The following NYAP1 variants were observed in gnomAD, a reference collection of about 807,000 sequenced individuals.
NYAP1 encodes neuronal tyrosine-phosphorylated phosphoinositide-3-kinase adapter 1.
A neutral mutation model predicts 58.6 loss-of-function variants in NYAP1; 20 were observed. The observed-to-expected ratio is 0.34, with a 90% CI of 0.24 to 0.50. The LOEUF is 0.50. Ranked by LOEUF, NYAP1 falls within the 20% of genes least tolerant of loss-of-function variation. The probability of loss-of-function intolerance (pLI) is 0.98; values close to 1 mark genes in which losing one functional copy is unlikely to be tolerated. For missense variants in NYAP1, 1,150 were observed against 1,194.5 expected (o/e 0.96, Z 0.55); for synonymous variants, 572 against 523.1 (o/e 1.09, Z -1.27).
chr7:100,488,676 A>G lies in NYAP1; in HGVS notation c.955A>G (p.Thr319Ala), dbSNP rs1799741748. The G allele has an allele frequency of 4.4e-6, 7 of 1,608,584 alleles. No homozygotes were observed. The highest frequency in any genetic ancestry group is 5.9e-6 in the Non-Finnish European group (7 of 1,178,468). Residue 319 changes from threonine to alanine, a missense_variant, in exon 4 of 7, where the codon ACT (threonine) becomes GCT (alanine). Physicochemically the swap from Thr to Ala is moderately conservative, Grantham distance 58. Transcript: ENST00000300179. This position sits in a 1 kb window ranked among gnomAD's most constrained non-coding sequence, Gnocchi z 5.9. Reference sequence around the variant, plus strand: ...GAGGGACGGGACGCCCACCAAGACCACTCCTTGTGAAATCCCCCCGCCCTT... The same window carrying G: ...GAGGGACGGGACGCCCACCAAGACCGCTCCTTGTGAAATCCCCCCGCCCTT... ...SRRDGTPTKTTPCEIPPPFPN... is the reference protein window; with the variant it reads ...SRRDGTPTKTAPCEIPPPFPN...
Position 100,493,927 on chromosome 7 carries a change from G to C in NYAP1, c.*24G>C. The C allele has an allele frequency of 7.1e-7, 1 of 1,417,978 alleles. No homozygotes were observed. The allele number at this position is 1,417,978 out of a possible 1,614,324, so 87.8% of individuals were successfully genotyped here. A position where few individuals can be genotyped will look rare whatever the true frequency, so the allele number is the denominator to read the frequency against. ...GAGGCGGGCGGGGGGGTACCGGGGCGCCTGGACTGGGGAGGGGGCGGGCAC... is the reference window on the plus strand; with the variant it reads ...GAGGCGGGCGGGGGGGTACCGGGGCCCCTGGACTGGGGAGGGGGCGGGCAC... On this transcript the variant is annotated 3_prime_UTR_variant, in exon 7 of 7. Transcript: ENST00000300179.
intron 4 of NYAP1, 26 bp downstream of exon 4, chr7:100,489,692 C>T: frequency 1.9e-5 from 2 of 107,398 alleles, no homozygotes; most frequent in Non-Finnish European, 3.2e-5. Flanking sequence ...GGAGTGGGGG[C>T]TGGCATCAGG....
chr7:100,484,709 C>T (rs1314895459), intron 1 of NYAP1, among the ~76,000 whole-genome samples: 1 of 152,104 alleles, frequency 6.6e-6, no homozygotes, highest in Non-Finnish European at 1.5e-5. Flanking sequence ...CGCAAGTAGG[C>T]CCTGGGCATA....
In NYAP1 at chr7:100,487,242, G is replaced by A. The variant is rs546247841; in HGVS notation, c.430+60G>A. On this transcript the variant is annotated intron_variant, in intron 3 of 6. Coordinates refer to ENST00000300179, the MANE Select transcript of NYAP1 (RefSeq NM_173564.4). This position sits in a 1 kb window ranked among gnomAD's most constrained non-coding sequence, Gnocchi z 4.1. ...TGGGAGCTGGGAGGATCTATTCCAC[G>A]CCCGGGGAGGCTTGCCGGGAGGGTT... 1.6e-5 allele frequency: 23 copies of A among 1,438,366 alleles called. No individual in the cohort carries two copies. The East Asian group carries it at 4.5e-4, about 28-fold the overall frequency. The allele number at this position is 1,438,366 out of a possible 1,614,324, so 89.1% of individuals were successfully genotyped here.
In NYAP1 at chr7:100,494,798, C is replaced by G. The variant is rs1487478161; in HGVS notation, c.*895C>G. The G allele has an allele frequency of 6.6e-6, 1 of 152,426 alleles. No homozygotes were observed. The highest frequency in any genetic ancestry group is 2.4e-5 in the African/African-American group (1 of 41,380). The allele number at this position is 152,426 out of a possible 1,614,324, so 9.4% of individuals were successfully genotyped here. A position where few individuals can be genotyped will look rare whatever the true frequency, so the allele number is the denominator to read the frequency against. ...ATAATATATTAAAAGACTCATGATC[C>G]TAAAGCTGGCTTCTTCTATTTCACA... On this transcript the variant is annotated 3_prime_UTR_variant, in exon 7 of 7. Coordinates refer to ENST00000300179, the MANE Select transcript of NYAP1 (RefSeq NM_173564.4).
In NYAP1 at chr7:100,490,530, T is replaced by C. The variant is rs755976763; in HGVS notation, c.1959T>C (p.Gly653=). ...KAKELDKVED[G]ARAWNGSAEG... is the part of the protein sequence containing the mutation. ...TCATCCCAGCAGAGGTCGAGGACGG[T>C]GCCCGGGCCTGGAATGGCAGTGCCG... Residue 653 remains glycine (G), a synonymous_variant, in exon 5 of 7, where the codon GGT becomes GGC. Transcript: ENST00000300179. The surrounding 1 kb of genome is among the most constrained non-coding windows in gnomAD (Gnocchi z 4.6). 5 of 1,584,698 alleles carry C rather than the reference T, an allele frequency of 3.2e-6. No homozygotes were observed. The highest frequency in any genetic ancestry group is 2.3e-5 in the South Asian group (2 of 86,596).
chr7:100,489,741 G>C lies in NYAP1; in HGVS notation c.1945+75G>C, dbSNP rs578253246. The C allele has an allele frequency of 7.1e-6, 8 of 1,122,846 alleles. No homozygotes were observed. In the African/African-American group the frequency reaches 1.1e-4, roughly 16 times the overall value. 69.6% of individuals were successfully genotyped at this position (1,122,846 alleles called of 1,614,324 possible). A position where few individuals can be genotyped will look rare whatever the true frequency, so the allele number is the denominator to read the frequency against. ...TGGGGATGCCTGCGATGGTTTGGGG[G>C]AGGTGTTGGAGGGGTTATTTGGAAG... On this transcript the variant is annotated intron_variant, in intron 4 of 6. Transcript: ENST00000300179.
rs1044229151 is a variant in NYAP1 at position 100,487,564 on chromosome 7, C to T, written c.430+382C>T. On this transcript the variant is annotated intron_variant, in intron 3 of 6. Transcript: ENST00000300179. The surrounding 1 kb of genome is among the most constrained non-coding windows in gnomAD (Gnocchi z 4.1). The stretch of plus-strand genomic sequence containing the variant: ...TTGCCCAGGCAGGAGTGCAGTGGTG[C>T]GATCTCAGCTCACTGCATCCTCCGC... Among the ~76,000 whole-genome samples the T allele has an allele frequency of 5.9e-5, 9 of 151,960 alleles. No homozygotes were observed. The highest frequency in any genetic ancestry group is 1.0e-4 in the Non-Finnish European group (7 of 67,982).
Position 100,489,293 on chromosome 7 carries a change from C to T in NYAP1, c.1572C>T (p.Val524=). The T allele has an allele frequency of 6.3e-7, 1 of 1,599,640 alleles. No homozygotes were observed. The highest frequency in any genetic ancestry group is 8.5e-7 in the Non-Finnish European group (1 of 1,174,020). Residue 524 remains valine, a synonymous_variant, in exon 4 of 7, where the codon GTC becomes GTT. Transcript: ENST00000300179. ...GGGCCATGGGCGCAGCAGCTGGGGT[C>T]CTCCACCACCGCGGCTGCCTGGCCT... The part of the protein sequence containing the change: ...HGGAMGAAAG[V]LHHRGCLASP...
chr7:100,488,590 A>T lies in NYAP1; in HGVS notation c.869A>T (p.Gln290Leu). ...CCATTGACGGCAACATCCCCGCCAC[A>T]ACAGCCTCACGCCCTTCCGCCCCAT... ...PPPLTATSPPQQPHALPPHAH... is the reference protein window; with the variant it reads ...PPPLTATSPPLQPHALPPHAH... The change falls in exon 4 of 7, where the codon CAA becomes CTA. Residue 290 changes from glutamine to leucine, a missense_variant. By Grantham distance (113) the Gln-to-Leu change is moderately radical (BLOSUM62 -2). Transcript: ENST00000300179. This position sits in a 1 kb window ranked among gnomAD's most constrained non-coding sequence, Gnocchi z 5.9. 6.2e-7 allele frequency: 1 copy of T among 1,611,286 alleles called. No individual in the cohort carries two copies. The highest frequency in any genetic ancestry group is 8.5e-7 in the Non-Finnish European group (1 of 1,179,296).
rs1202712786 is a variant in NYAP1 at position 100,486,053 on chromosome 7, A to G, written c.68+674A>G. ...GCCACCTCCCTTTTCCTTCCTCGCA[A>G]CTGTGGAGTTTAATTCTTGTTGTTA... On this transcript the variant is annotated intron_variant, in intron 2 of 6. Coordinates refer to ENST00000300179, the MANE Select transcript of NYAP1 (RefSeq NM_173564.4). The surrounding 1 kb of genome is among the most constrained non-coding windows in gnomAD (Gnocchi z 6.2). Among the ~76,000 whole-genome samples, 2 of 152,022 alleles carry G rather than the reference A, an allele frequency of 1.3e-5. No individual in the cohort carries two copies. Among genetic ancestry groups the G allele is most frequent in the Non-Finnish European group, 2.9e-5 (2 of 67,984 alleles).
Position 100,493,699 on chromosome 7 carries a change from G to C in NYAP1, c.2322G>C (p.Glu774Asp). The C allele has an allele frequency of 1.3e-6, 2 of 1,595,894 alleles. No homozygotes were observed. The highest frequency in any genetic ancestry group is 1.7e-6 in the Non-Finnish European group (2 of 1,175,082). Residue 774 changes from glutamate (E) to aspartate (D), a missense_variant, in exon 7 of 7, where the codon GAG becomes GAC. Physicochemically the swap from Glu to Asp is conservative, Grantham distance 45. Transcript: ENST00000300179. The part of the protein sequence containing the change: ...PLPLPPQPAR[E>D]RDGKLLEVIE... ...CCCTGCCGCCCCAGCCGGCCCGCGA[G>C]CGTGACGGGAAGCTGCTGGAGGTGA...
chr7:100,489,076 C>G lies in NYAP1; in HGVS notation c.1355C>G (p.Pro452Arg). ...GCCCCGGCCGCCTTGCTCCCCGGCC[C>G]CCCCAAGGACAAGGCCGTGTCTTAC... ...PPAPAALLPG[P>R]PKDKAVSYTM... is the part of the protein sequence containing the mutation. The change falls in exon 4 of 7, where the codon CCC becomes CGC. Residue 452 changes from proline to arginine, a missense_variant. Coordinates refer to ENST00000300179, the MANE Select transcript of NYAP1 (RefSeq NM_173564.4). 6.5e-7 allele frequency: 1 copy of G among 1,550,274 alleles called. No individual in the cohort carries two copies. Among genetic ancestry groups the G allele is most frequent in the Non-Finnish European group, 8.7e-7 (1 of 1,148,450 alleles).
At position 100,490,801 on chromosome 7, in the gene NYAP1, TC is replaced by T. The variant is rs1186646376; in HGVS notation, c.2158+74del. The T allele has an allele frequency of 1.6e-5, 22 of 1,343,228 alleles. No homozygotes were observed. The highest frequency in any genetic ancestry group is 2.2e-5 in the Non-Finnish European group (22 of 996,520). 83.2% of individuals were successfully genotyped at this position (1,343,228 alleles called of 1,614,324 possible). On this transcript the variant is annotated intron_variant, in intron 5 of 6. Transcript: ENST00000300179. The surrounding 1 kb of genome is among the most constrained non-coding windows in gnomAD (Gnocchi z 4.6). The stretch of plus-strand genomic sequence containing the variant: ...ATCTCCCGGGGTCTAGCTGCACCTG[TC>T]CTGACTTCCTCTCACCTGTTCACGT...
In NYAP1 at chr7:100,487,147, G is replaced by A; in HGVS notation, c.395G>A (p.Gly132Glu). 6.6e-7 allele frequency: 1 copy of A among 1,517,668 alleles called. No individual in the cohort carries two copies. Among genetic ancestry groups the A allele is most frequent in the South Asian group, 1.3e-5 (1 of 77,086 alleles). 94.0% of individuals were successfully genotyped at this position (1,517,668 alleles called of 1,614,324 possible). Residue 132 changes from glycine to glutamate, a missense_variant, in exon 3 of 7, where the codon GGG (glycine) becomes GAG (glutamate). Transcript: ENST00000300179. The surrounding 1 kb of genome is among the most constrained non-coding windows in gnomAD (Gnocchi z 4.1). Reference protein sequence around the residue: ...PSTKLSMVGPGSGAETPPSKK... With the variant: ...PSTKLSMVGPESGAETPPSKK... ...ACCAAGCTCAGCATGGTGGGGCCTG[G>A]GTCTGGGGCAGAGACGCCCCCCAGC...
chr7:100,487,310 A>C lies in NYAP1; in HGVS notation c.430+128A>C. On this transcript the variant is annotated intron_variant, in intron 3 of 6. Coordinates refer to ENST00000300179, the MANE Select transcript of NYAP1 (RefSeq NM_173564.4). The surrounding 1 kb of genome is among the most constrained non-coding windows in gnomAD (Gnocchi z 4.1). ...AGGAAGTGGAAGATTCCATTCTCAAAAGGAATTGGGGGGGTCCTTTTGGAT... is the reference window on the plus strand; with the variant it reads ...AGGAAGTGGAAGATTCCATTCTCAACAGGAATTGGGGGGGTCCTTTTGGAT... The C allele has an allele frequency of 9.6e-7, 1 of 1,038,474 alleles. No homozygotes were observed. Among genetic ancestry groups the C allele is most frequent in the Non-Finnish European group, 1.3e-6 (1 of 760,956 alleles). The allele number at this position is 1,038,474 out of a possible 1,614,324, so 64.3% of individuals were successfully genotyped here. A position where few individuals can be genotyped will look rare whatever the true frequency, so the allele number is the denominator to read the frequency against.
chr7:100,490,409 AG>A lies in NYAP1; in HGVS notation c.1946-104del. 1 of 1,031,014 alleles carries A rather than the reference AG, an allele frequency of 9.7e-7. No homozygotes were observed. The highest frequency in any genetic ancestry group is 1.4e-5 in the South Asian group (1 of 71,566). The allele number at this position is 1,031,014 out of a possible 1,614,324, so 63.9% of individuals were successfully genotyped here. Reference sequence around the variant, plus strand: ...CCCCATCCCAGCCGTTACTTGCAAAAGGGGCAATTGTGTCTCCTGGTCCACC... The same window carrying A: ...CCCCATCCCAGCCGTTACTTGCAAAAGGGCAATTGTGTCTCCTGGTCCACC... On this transcript the variant is annotated intron_variant, in intron 4 of 6. Transcript: ENST00000300179. The surrounding 1 kb of genome is among the most constrained non-coding windows in gnomAD (Gnocchi z 4.6).
chr7:100,489,906 C>T (rs1295951063), intron 4 of NYAP1, among the ~76,000 whole-genome samples: 1 of 152,052 alleles, frequency 6.6e-6, no homozygotes, highest in African/African-American at 2.4e-5. Flanking sequence ...CTGGCCCTGT[C>T]CTGCTCTGCT....
At position 100,494,004 on chromosome 7, in the gene NYAP1, G is replaced by C; in HGVS notation, c.*101G>C. On this transcript the variant is annotated 3_prime_UTR_variant, in exon 7 of 7. Coordinates refer to ENST00000300179, the MANE Select transcript of NYAP1 (RefSeq NM_173564.4). ...TGAGAGACATTGAAAGACTACGTGG[G>C]AGAGTGCCAGGGAGAACCCCTGCCC... 9.2e-7 allele frequency: 1 copy of C among 1,088,996 alleles called. No homozygotes were observed. The allele number at this position is 1,088,996 out of a possible 1,614,324, so 67.5% of individuals were successfully genotyped here.
Sources: allele counts gnomAD v4.1 joint callset (sites outside exome capture counted in the v4.1 genomes callset), GRCh38; gene constraint gnomAD v4.1.1; non-coding constraint Gnocchi (gnomAD v3.1); transcripts MANE v1.5; gene names NCBI Gene and HGNC (gene_info 2026-07-23, HGNC 2026-07-21).